The following RANBP17 variants were observed in gnomAD, a reference collection of about 807,000 sequenced individuals.
RANBP17 encodes RAN binding protein 17.
In RANBP17, 158 loss-of-function variants were observed where a neutral mutation model predicts 141.2. The ratio of observed to expected loss-of-function variants is 1.12; its 90% confidence interval spans 0.98 to 1.28. The LOEUF is 1.28. RANBP17 is among the 50% of genes most tolerant of loss of function. RANBP17 has a pLI of 0.00. For synonymous variants in RANBP17, 430 were observed against 450.0 expected, an observed-to-expected ratio of 0.96 and a Z score of 0.56; for missense variants, 1,438 against 1,290.7, an observed-to-expected ratio of 1.11 and a Z score of -1.75.
chr5:171,141,972 A>T (rs1757736040), intron 14 of RANBP17, among the ~76,000 whole-genome samples: 1 of 152,178 alleles, frequency 6.6e-6, no homozygotes, highest in Non-Finnish European at 1.5e-5. Context: ...TAAAATGCGT[A>T]ATTTGCATGC....
chr5:171,200,116 A>G (rs932112031), intron 19 of RANBP17, among the ~76,000 whole-genome samples: 2 of 152,204 alleles, frequency 1.3e-5, no homozygotes, highest in Admixed American at 6.5e-5. Flanking sequence ...CAACAGATCT[A>G]TATGGAGGAA....
intron 14 of RANBP17, among the ~76,000 whole-genome samples, chr5:171,094,158 A>C (rs1200298534): frequency 6.6e-6 from 1 of 152,156 alleles, no homozygotes. Context: ...AGCACCAACT[A>C]ACTCTTTTGT....
At chr5:171,182,579 A>G (rs137905717) in intron 16 of RANBP17, among the ~76,000 whole-genome samples, 1 of 152,334 alleles carries the variant, frequency 6.6e-6, no homozygotes, top group African/African-American at 2.4e-5. Context: ...TTAACAGTGT[A>G]ATTGTGAAGA....
At chr5:171,093,325 T>C (rs1786450377) in intron 14 of RANBP17, among the ~76,000 whole-genome samples, 1 of 152,222 alleles carries the variant, frequency 6.6e-6, no homozygotes, top group African/African-American at 2.4e-5. Context: ...TTTATTTATT[T>C]ATGTCCCTCC....
chr5:171,220,495 C>T lies in RANBP17; in HGVS notation c.2340-1263C>T, dbSNP rs975906490. ...ACAGAGTCTCACCTTGTTGCCCAGGCTGGAGCGCAGTGGCCCTATCTCGAC... is the reference window on the plus strand; with the variant it reads ...ACAGAGTCTCACCTTGTTGCCCAGGTTGGAGCGCAGTGGCCCTATCTCGAC... On this transcript the variant is annotated intron_variant, in intron 21 of 27. Transcript: ENST00000523189. Among the ~76,000 whole-genome samples the T allele has an allele frequency of 4.4e-5, 6 of 135,534 alleles. No individual in the cohort carries two copies. The Admixed American group carries it at 4.9e-4, about 11-fold the overall frequency. 88.9% of individuals were successfully genotyped at this position (135,534 alleles called of 152,430 possible).
At chr5:170,898,118 G>T (rs1022903297) in intron 5 of RANBP17, among the ~76,000 whole-genome samples, 1 of 152,150 alleles carries the variant, frequency 6.6e-6, no homozygotes, top group East Asian at 1.9e-4. Context: ...GGCGTGAGTT[G>T]CAGTCTTGCT....
At chr5:170,911,790 C>A (rs1771548608) in intron 7 of RANBP17, among the ~76,000 whole-genome samples, 1 of 151,812 alleles carries the variant, frequency 6.6e-6, no homozygotes, top group African/African-American at 2.4e-5. Flanking sequence ...TTGCAACTTG[C>A]TTATAGAAAG....
chr5:171,275,961 C>G (rs1171911285), intron 25 of RANBP17, among the ~76,000 whole-genome samples: 1 of 152,188 alleles, frequency 6.6e-6, no homozygotes, highest in Non-Finnish European at 1.5e-5. Flanking sequence ...TTTTGTTTAT[C>G]TGCTACTGGT....
intron 14 of RANBP17, among the ~76,000 whole-genome samples, chr5:171,143,635 G>A (rs1008397902): frequency 9.9e-5 from 15 of 152,044 alleles, no homozygotes; most frequent in African/African-American, 1.7e-4. Flanking sequence ...TCATTTCTTC[G>A]GTAAACATCT....
In RANBP17 at chr5:170,919,631, G is replaced by A. The variant is rs1371793332; in HGVS notation, c.1274+18G>A. ...GTTGTGAGGTATTCAAAAACTAAAT[G>A]TTTTTGTTGTATTTCCTTTTGACAC... On this transcript the variant is annotated intron_variant, in intron 11 of 27. Transcript: ENST00000523189. The A allele has an allele frequency of 6.6e-7, 1 of 1,526,162 alleles. No individual in the cohort carries two copies. The highest frequency in any genetic ancestry group is 2.4e-5 in the Admixed American group (1 of 42,390). 94.5% of individuals were successfully genotyped at this position (1,526,162 alleles called of 1,614,324 possible).
rs1192670880 is a variant in RANBP17 at position 171,258,116 on chromosome 5, A to ATAC, written c.2777-7565_2777-7564insTAC. Among the ~76,000 whole-genome samples, 11 of 99,026 alleles carry ATAC rather than the reference A, an allele frequency of 1.1e-4. No individual in the cohort carries two copies. The South Asian group carries it at 3.0e-3, about 27-fold the overall frequency. The allele number at this position is 99,026 out of a possible 152,430, so 65.0% of individuals were successfully genotyped here. On this transcript the variant is annotated intron_variant, in intron 24 of 27. Coordinates refer to ENST00000523189, the MANE Select transcript of RANBP17 (RefSeq NM_022897.5). The stretch of plus-strand genomic sequence containing the variant: ...AGCAAAACTCCATCTAAAAAAAAAA[A>ATAC]ATACACACACACACACACACACACA...
intron 1 of RANBP17, among the ~76,000 whole-genome samples, chr5:170,875,658 G>A (rs532775582): frequency 6.0e-4 from 90 of 150,956 alleles, no homozygotes; most frequent in Middle Eastern, 3.4e-3. Flanking sequence ...GCTCCATCGG[G>A]TTATTTATGT....
intron 14 of RANBP17, among the ~76,000 whole-genome samples, chr5:171,097,916 TG>T (rs1353525727): frequency 6.6e-6 from 1 of 152,060 alleles, no homozygotes; most frequent in Admixed American, 6.6e-5. Flanking sequence ...GTTAGTTTGC[TG>T]AGAATGATGG....
chr5:170,914,045 C>T (rs1771746503), intron 7 of RANBP17, 122 bp from the exon 8 acceptor site: 3 of 665,038 alleles, frequency 4.5e-6, no homozygotes, highest in Non-Finnish European at 8.0e-6. Context: ...AAAAATAGGC[C>T]TAACTGGAAG....
At chr5:171,272,287 C>T (rs536939928) in intron 25 of RANBP17, among the ~76,000 whole-genome samples, 1 of 152,158 alleles carries the variant, frequency 6.6e-6, no homozygotes, top group Non-Finnish European at 1.5e-5. Flanking sequence ...CACCAGACCC[C>T]TGTGACATGT....
intron 21 of RANBP17, among the ~76,000 whole-genome samples, chr5:171,214,383 A>G (rs1293403446): frequency 1.3e-5 from 2 of 152,234 alleles, no homozygotes; most frequent in East Asian, 3.8e-4. Context: ...ATTAACAAAG[A>G]TGTAGCTAAA....
chr5:170,968,512 A>T, intron 14 of RANBP17, 135 bp downstream of exon 14: 1 of 798,412 alleles, frequency 1.3e-6, no homozygotes, highest in South Asian at 1.5e-5. Flanking sequence ...TTGGTGATGA[A>T]GTGCAATGTA....
chr5:171,183,465 A>G, intron 18 of RANBP17, 35 bp downstream of exon 18: 2 of 1,367,082 alleles, frequency 1.5e-6, no homozygotes, highest in Non-Finnish European at 2.1e-6. Flanking sequence ...TTAATAAGGG[A>G]TCAGCAATAC....
chr5:170,923,749 C>G (rs1047279759), intron 11 of RANBP17, among the ~76,000 whole-genome samples: 2 of 152,088 alleles, frequency 1.3e-5, no homozygotes, highest in African/African-American at 2.4e-5. Context: ...ATGTTTCCTA[C>G]TGCCTTTGTA....
Sources: allele counts gnomAD v4.1 joint callset (sites outside exome capture counted in the v4.1 genomes callset), GRCh38; gene constraint gnomAD v4.1.1; transcripts MANE v1.5; gene names NCBI Gene and HGNC (gene_info 2026-07-23, HGNC 2026-07-21).